The following GCN1 variants were observed in gnomAD, a reference collection of about 807,000 sequenced individuals.
GCN1 encodes GCN1 activator of EIF2AK4.
Under a neutral mutation model 288.4 loss-of-function variants are expected in GCN1, and 90 were observed. The observed-to-expected ratio is 0.31, with a 90% CI of 0.26 to 0.37. The LOEUF (loss-of-function observed/expected upper bound fraction) is 0.37. GCN1 is among the 10% of genes least tolerant of loss of function. The pLI is 1.00. For missense variants in GCN1, 2,586 were observed against 3,419.9 expected, an observed-to-expected ratio of 0.76 and a Z score of 6.08; for synonymous variants, 1,386 against 1,420.2, an observed-to-expected ratio of 0.98 and a Z score of 0.54.
intron 1 of GCN1, among the ~76,000 whole-genome samples, chr12:120,192,024 T>C (rs1879016769): frequency 6.6e-6 from 1 of 152,228 alleles, no homozygotes; most frequent in African/African-American, 2.4e-5. Context: ...GATTACATTA[T>C]ATGTAAATGG....
rs2139092766 is a variant in GCN1 at position 120,142,635 on chromosome 12, G to A, written c.5701C>T (p.Arg1901Trp). The change falls in exon 44 of 58, where the codon CGG becomes TGG. Residue 1901 changes from arginine to tryptophan, a missense_variant. Coordinates refer to ENST00000300648, the MANE Select transcript of GCN1 (RefSeq NM_006836.2). The surrounding 1 kb of genome is among the most constrained non-coding windows in gnomAD (Gnocchi z 4.9). ...MGRSDTQLVV[R>W]QASLHVWKIV... The stretch of plus-strand genomic sequence containing the variant: ...TTCCAGACATGCAGGGACGCCTGCC[G>A]CACCACCAGCTGGGTGTCTGAGCGG... 6.2e-7 allele frequency: 1 copy of A among 1,613,792 alleles called. No individual in the cohort carries two copies. The highest frequency in any genetic ancestry group is 8.5e-7 in the Non-Finnish European group (1 of 1,179,846).
intron 42 of GCN1, among the ~76,000 whole-genome samples, chr12:120,143,710 C>T (rs1594264482): frequency 6.6e-6 from 1 of 152,132 alleles, no homozygotes; most frequent in South Asian, 2.1e-4. Flanking sequence ...AAGCACTTGA[C>T]CATTCCCTAC....
chr12:120,192,443 C>T (rs1879032583), intron 1 of GCN1, among the ~76,000 whole-genome samples: 1 of 152,086 alleles, frequency 6.6e-6, no homozygotes, highest in African/African-American at 2.4e-5. Context: ...ATACTGAAGA[C>T]AAGGCTGGGT....
intron 34 of GCN1, among the ~76,000 whole-genome samples, chr12:120,150,360 G>A (rs1393578393): frequency 1.3e-5 from 2 of 152,090 alleles, no homozygotes; most frequent in South Asian, 2.1e-4. Flanking sequence ...ACTTTGGGAG[G>A]CTGAGGCAGG....
chr12:120,137,624 G>A lies in GCN1; in HGVS notation c.6584C>T (p.Ser2195Leu), dbSNP rs755498611. The change falls in exon 49 of 58, where the codon TCG (serine) becomes TTG (leucine). Residue 2195 changes from serine to leucine, a missense_variant. Physicochemically the swap from Ser to Leu is moderately radical, Grantham distance 145. Around this residue, in one of 8 missense-constraint regions of GCN1, gnomAD observed 437 missense variants for 570.5 expected, o/e 0.77. Transcript: ENST00000300648. This position sits in a 1 kb window ranked among gnomAD's most constrained non-coding sequence, Gnocchi z 5.2. Reference protein sequence around the residue: ...DYTSHLRSLVSGLIRLFNDSS... With the variant: ...DYTSHLRSLVLGLIRLFNDSS... ...GTCATTGAAGAGGCGGATCAGGCCC[G>A]AGACCAGGCTCCGCAGGTGGCTGGT... is the stretch of plus-strand genomic sequence containing the variant. The A allele has an allele frequency of 6.3e-5, 102 of 1,613,984 alleles. No homozygotes were observed. Among genetic ancestry groups the A allele is most frequent in the Admixed American group, 1.5e-4 (9 of 59,998 alleles).
rs1019053909 is a variant in GCN1 at position 120,151,313 on chromosome 12, G to T, written c.4141C>A (p.Leu1381Ile). 1.9e-6 allele frequency: 3 copies of T among 1,614,158 alleles called. No homozygotes were observed. Among genetic ancestry groups the T allele is most frequent in the Non-Finnish European group, 2.5e-6 (3 of 1,180,018 alleles). The change falls in exon 34 of 58, where the codon CTT becomes ATT. Residue 1381 changes from leucine to isoleucine, a missense_variant. By Grantham distance (5) the Leu-to-Ile change is conservative (BLOSUM62 2). Coordinates refer to ENST00000300648, the MANE Select transcript of GCN1 (RefSeq NM_006836.2). The stretch of plus-strand genomic sequence containing the variant: ...TCTGACTCCAGCAGCTGCTGCATAA[G>T]CCTCTGGATCATCCCTCCAGCATCC... ...KEDAGGMIQRLMQQLLESDKY... is the reference protein window; with the variant it reads ...KEDAGGMIQRIMQQLLESDKY...
At position 120,156,699 on chromosome 12, in the gene GCN1, C is replaced by A; in HGVS notation, c.3169-95G>T. 7.9e-7 allele frequency: 1 copy of A among 1,272,900 alleles called. No individual in the cohort carries two copies. The highest frequency in any genetic ancestry group is 1.1e-6 in the Non-Finnish European group (1 of 892,040). 78.9% of individuals were successfully genotyped at this position (1,272,900 alleles called of 1,614,324 possible). On this transcript the variant is annotated intron_variant, in intron 27 of 57. Transcript: ENST00000300648. The surrounding 1 kb of genome is among the most constrained non-coding windows in gnomAD (Gnocchi z 5.8). ...GCACTGAGAACACCCACCCCTACAG[C>A]ACTGCAAGGGCTAAGACCCCAGCTC...
At chr12:120,170,148 T>C (rs1296230605) in intron 15 of GCN1, 21 bp downstream of exon 15, 1 of 1,610,996 alleles carries the variant, frequency 6.2e-7, no homozygotes, top group South Asian at 1.1e-5. Context: ...TCTACCATCC[T>C]AGACACCTCT....
intron 57 of GCN1, 65 bp downstream of exon 57, chr12:120,129,211 T>G: frequency 8.5e-7 from 1 of 1,172,280 alleles, no homozygotes; most frequent in Non-Finnish European, 1.3e-6. Flanking sequence ...AATATTTCCA[T>G]GCTGAAGAAG....
At chr12:120,129,129 C>G (rs1876725433) in intron 57 of GCN1, 147 bp downstream of exon 57, 5 of 717,250 alleles carry the variant, frequency 7.0e-6, no homozygotes, top group Non-Finnish European at 9.4e-6. Flanking sequence ...GCGCCCGGCC[C>G]CAGTCACCCA....
chr12:120,182,142 CTG>C (rs1878684556), intron 5 of GCN1, among the ~76,000 whole-genome samples: 1 of 150,600 alleles, frequency 6.6e-6, no homozygotes, highest in South Asian at 2.1e-4. Flanking sequence ...GAATTACACT[CTG>C]TCTCTCAAAG....
chr12:120,132,882 GC>G (rs1343273578), intron 53 of GCN1, among the ~76,000 whole-genome samples: 6 of 152,172 alleles, frequency 3.9e-5, no homozygotes, highest in African/African-American at 7.2e-5. Flanking sequence ...AGCAGTTTGG[GC>G]CTCTGAGCTC....
At position 120,158,880 on chromosome 12, in the gene GCN1, C is replaced by T. The variant is rs1202560433; in HGVS notation, c.2750-265G>A. Among the ~76,000 whole-genome samples, 5 of 151,938 alleles carry T rather than the reference C, an allele frequency of 3.3e-5. No individual in the cohort carries two copies. Among genetic ancestry groups the T allele is most frequent in the East Asian group, 1.9e-4 (1 of 5,160 alleles). On this transcript the variant is annotated intron_variant, in intron 24 of 57. Transcript: ENST00000300648. This position sits in a 1 kb window ranked among gnomAD's most constrained non-coding sequence, Gnocchi z 4.3. ...ACAAAAAATTAGCTGGGCGTGGTGA[C>T]GGGCGCCTGTAGTCCCAGCTACTCA...
At chr12:120,169,452 T>TC (rs1312903750) in intron 15 of GCN1, among the ~76,000 whole-genome samples, 3 of 151,020 alleles carry the variant, frequency 2.0e-5, no homozygotes, top group African/African-American at 4.8e-5. Context: ...TAGCGTATGT[T>TC]CCCCAGCATG....
chr12:120,169,575 C>A (rs1878252862), intron 15 of GCN1, among the ~76,000 whole-genome samples: 1 of 152,144 alleles, frequency 6.6e-6, no homozygotes, highest in Non-Finnish European at 1.5e-5. Context: ...GCAATCCCAG[C>A]TCACTGCAAC....
intron 39 of GCN1, 71 bp from the exon 40 acceptor site, chr12:120,145,132 G>A (rs1461844628): frequency 1.9e-6 from 3 of 1,593,218 alleles, no homozygotes; most frequent in Admixed American, 3.3e-5. Flanking sequence ...CATGGGAGCA[G>A]GAAGGGGCAC....
At position 120,157,016 on chromosome 12, in the gene GCN1, C is replaced by A; in HGVS notation, c.3088-24G>T. ...TTCTAGGAGAGAACGGCAGGTAAGTCGAGATGAGGCTGTGGGGAGGTCTGT... is the reference window on the plus strand; with the variant it reads ...TTCTAGGAGAGAACGGCAGGTAAGTAGAGATGAGGCTGTGGGGAGGTCTGT... On this transcript the variant is annotated intron_variant, in intron 26 of 57. Transcript: ENST00000300648. 5 of 1,553,256 alleles carry A rather than the reference C, an allele frequency of 3.2e-6. No homozygotes were observed. In the South Asian group the frequency reaches 3.3e-5, roughly 10 times the overall value.
Position 120,134,427 on chromosome 12 carries a change from T to C in GCN1, c.7203-22A>G, listed in dbSNP as rs1210347166. Reference sequence around the variant, plus strand: ...GTCCCTGCAGAAGCAATGCACCGCCTTAAGCCCTGGGTGCCTCCACCACCA... The same window carrying C: ...GTCCCTGCAGAAGCAATGCACCGCCCTAAGCCCTGGGTGCCTCCACCACCA... On this transcript the variant is annotated intron_variant, in intron 52 of 57. Coordinates refer to ENST00000300648, the MANE Select transcript of GCN1 (RefSeq NM_006836.2). The surrounding 1 kb of genome is among the most constrained non-coding windows in gnomAD (Gnocchi z 5.0). 2.5e-6 allele frequency: 4 copies of C among 1,600,180 alleles called. No individual in the cohort carries two copies. Among genetic ancestry groups the C allele is most frequent in the Non-Finnish European group, 3.4e-6 (4 of 1,167,512 alleles).
chr12:120,157,715 G>T, intron 26 of GCN1, 134 bp downstream of exon 26: 1 of 721,062 alleles, frequency 1.4e-6, no homozygotes, highest in Non-Finnish European at 2.2e-6. Flanking sequence ...ACAACACTGT[G>T]TGAGGCTGCT....
Sources: gnomAD v4.1 joint callset for allele counts (sites outside exome capture counted in the v4.1 genomes callset) on GRCh38, gnomAD v4.1.1 for gene constraint, gnomAD v4.1.1 regional missense constraint, Gnocchi (gnomAD v3.1) non-coding constraint, MANE v1.5 for transcripts, NCBI Gene and HGNC (gene_info 2026-07-23, HGNC 2026-07-21) for gene names.